DSCAM: variants seen among roughly 807,000 people sequenced by gnomAD.
DSCAM encodes the protein DS cell adhesion molecule, also known as cell adhesion molecule DSCAM.
In DSCAM, 47 loss-of-function variants were observed where a neutral mutation model predicts 217.7. The ratio of observed to expected loss-of-function variants is 0.22; its 90% CI spans 0.17 to 0.28. The LOEUF is 0.28. Ranked by LOEUF, DSCAM falls within the 10% of genes least tolerant of loss-of-function variation. The probability of loss-of-function intolerance (pLI) is 1.00; values close to 1 mark genes in which losing one functional copy is unlikely to be tolerated. For missense variants in DSCAM, 2,080 were observed against 2,618.3 expected (o/e 0.79, Z 4.49); for synonymous variants, 1,056 against 1,015.3 (o/e 1.04, Z -0.76).
intron 3 of DSCAM, among the ~76,000 whole-genome samples, chr21:40,391,008 T>C (rs1369899500): frequency 1.3e-5 from 2 of 152,196 alleles, no homozygotes; most frequent in South Asian, 2.1e-4. Context: ...TATGGTTCTT[T>C]GCAAGTGTAG....
At chr21:40,173,935 G>T (rs943009420) in intron 15 of DSCAM, among the ~76,000 whole-genome samples, 1 of 152,184 alleles carries the variant, frequency 6.6e-6, no homozygotes, top group African/African-American at 2.4e-5. Flanking sequence ...GATTTATAGT[G>T]AAAATAATGA....
intron 3 of DSCAM, among the ~76,000 whole-genome samples, chr21:40,680,305 A>C (rs1032456183): frequency 6.6e-6 from 1 of 152,194 alleles, no homozygotes; most frequent in Non-Finnish European, 1.5e-5. Flanking sequence ...AGAATTACTT[A>C]GCTATGTTCC....
intron 30 of DSCAM, among the ~76,000 whole-genome samples, chr21:40,050,436 C>T (rs2088910860): frequency 2.5e-5 from 3 of 120,496 alleles, no homozygotes; most frequent in Non-Finnish European, 5.4e-5. Context: ...CCACACCAGG[C>T]AGTTCACAAG....
chr21:40,087,330 G>A (rs753905722), intron 21 of DSCAM, 43 bp from the exon 22 acceptor site: 8 of 1,494,280 alleles, frequency 5.4e-6, no homozygotes, highest in Admixed American at 1.7e-5. Flanking sequence ...CTCCACAGAC[G>A]TGTCTACACA....
At chr21:40,102,380 C>T (rs1186284528) in intron 20 of DSCAM, among the ~76,000 whole-genome samples, 3 of 152,214 alleles carry the variant, frequency 2.0e-5, no homozygotes, top group Non-Finnish European at 4.4e-5. Context: ...AGAGCGTTCA[C>T]ATTTCAAGCG....
chr21:40,717,393 G>C (rs2090853567), intron 1 of DSCAM, among the ~76,000 whole-genome samples: 1 of 152,250 alleles, frequency 6.6e-6, no homozygotes, highest in Admixed American at 6.5e-5. Context: ...AATGTTTAAA[G>C]CAGCATTATG....
intron 16 of DSCAM, among the ~76,000 whole-genome samples, chr21:40,145,787 G>A (rs1247712982): frequency 3.3e-5 from 5 of 152,130 alleles, no homozygotes; most frequent in African/African-American, 1.2e-4. Flanking sequence ...GGAGGTTGCA[G>A]TGAGCTGAGA....
chr21:40,577,002 A>G (rs1000429032), intron 3 of DSCAM, among the ~76,000 whole-genome samples: 2 of 138,212 alleles, frequency 1.4e-5, no homozygotes, highest in African/African-American at 6.3e-5. Context: ...CAATAAAATA[A>G]AAAAAAAAAT....
At chr21:40,579,147 A>G (rs1056577115) in intron 3 of DSCAM, among the ~76,000 whole-genome samples, 1 of 152,160 alleles carries the variant, frequency 6.6e-6, no homozygotes, top group African/African-American at 2.4e-5. Flanking sequence ...ACAGCCCACC[A>G]CAGAAAGCAA....
At chr21:40,056,416 A>G (rs2089024371) in intron 28 of DSCAM, among the ~76,000 whole-genome samples, 1 of 152,192 alleles carries the variant, frequency 6.6e-6, no homozygotes, top group South Asian at 2.1e-4. Flanking sequence ...AAAAGCAATT[A>G]CTATCATAAT....
rs776531959 is a variant in DSCAM, at chr21:40,083,939, G to T, written c.4200C>A (p.Leu1400=). 5.0e-6 allele frequency: 8 copies of T among 1,613,798 alleles called. No individual in the cohort carries two copies. The highest frequency in any genetic ancestry group is 5.9e-6 in the Non-Finnish European group (7 of 1,179,862). ...TAGAGCTGCCCCCGTTGTCTCCAGG[G>T]AGCCAAGAAAGGGTGATGGAGGAAG... ...TTSSSITLSW[L]PGDNGGSSIR... Residue 1400 remains leucine (L), a synonymous_variant, in exon 24 of 33, where the codon CTC becomes CTA. Transcript: ENST00000400454.
At chr21:40,154,114 A>C (rs2090451673) in intron 16 of DSCAM, among the ~76,000 whole-genome samples, 1 of 151,286 alleles carries the variant, frequency 6.6e-6, no homozygotes, top group South Asian at 2.1e-4. Flanking sequence ...GGTCGAGGAG[A>C]CCTCTTACAT....
In DSCAM at chr21:40,330,198, A is replaced by T. The variant is rs143155898; in HGVS notation, c.1783+7903T>A. Among the ~76,000 whole-genome samples the T allele has an allele frequency of 3.5e-4, 52 of 149,876 alleles. 1 individual carries two copies. Among genetic ancestry groups the T allele is most frequent in the African/African-American group, 1.2e-3 (51 of 41,132 alleles). ...TTACAATGTAAAAAATCATGTATAT[A>T]CATTTAAAATCAATATGTAATGTAA... On this transcript the variant is annotated intron_variant, in intron 8 of 32. Coordinates refer to ENST00000400454, the MANE Select transcript of DSCAM (RefSeq NM_001389.5).
intron 32 of DSCAM, among the ~76,000 whole-genome samples, chr21:40,013,837 C>G (rs879834316): frequency 8.5e-5 from 13 of 152,192 alleles, no homozygotes; most frequent in Non-Finnish European, 1.3e-4. Context: ...CTCGTCCTGG[C>G]AATTCTATGA....
rs377174052 is a variant in DSCAM, at chr21:40,144,482, C to T, written c.3259+9G>A. On this transcript the variant is annotated intron_variant, in intron 17 of 32. Transcript: ENST00000400454. The surrounding 1 kb of genome is among the most constrained non-coding windows in gnomAD (Gnocchi z 4.8). ...GGAAAAGCCACGACCAGGCCCCGGC[C>T]GAACCTACCATCCTCGAGAGTGGTG... The T allele has an allele frequency of 6.5e-5, 105 of 1,613,192 alleles. No individual in the cohort carries two copies. Among genetic ancestry groups the T allele is most frequent in the African/African-American group, 1.3e-5 (1 of 74,920 alleles).
At chr21:40,075,911 A>T (rs1431543206) in intron 26 of DSCAM, among the ~76,000 whole-genome samples, 1 of 152,210 alleles carries the variant, frequency 6.6e-6, no homozygotes, top group Non-Finnish European at 1.5e-5. Context: ...AGCTATCTTA[A>T]GCTGCCTTCT....
chr21:40,463,154 T>C (rs538948164), intron 3 of DSCAM, among the ~76,000 whole-genome samples: 2 of 152,230 alleles, frequency 1.3e-5, no homozygotes, highest in East Asian at 3.9e-4. Context: ...TATACTTCCT[T>C]AGGATACTAA....
At chr21:40,066,098 T>A (rs1287908409) in intron 27 of DSCAM, among the ~76,000 whole-genome samples, 1 of 152,188 alleles carries the variant, frequency 6.6e-6, no homozygotes, top group East Asian at 1.9e-4. Flanking sequence ...TAGGCAGGGG[T>A]GAAGCTTCGG....
intron 8 of DSCAM, among the ~76,000 whole-genome samples, chr21:40,320,116 A>G (rs542678569): frequency 3.0e-4 from 46 of 152,306 alleles, no homozygotes; most frequent in African/African-American, 9.6e-4. Context: ...TGATGGGTTG[A>G]GAGGTGCAGC....
Sources: gnomAD v4.1 joint callset for allele counts (sites outside exome capture counted in the v4.1 genomes callset) on GRCh38, gnomAD v4.1.1 for gene constraint, Gnocchi (gnomAD v3.1) non-coding constraint, MANE v1.5 for transcripts, NCBI Gene and HGNC (gene_info 2026-07-23, HGNC 2026-07-21) for gene names.